Variants in AFAP1L2 observed in about 807,000 individuals in gnomAD.
AFAP1L2 encodes the protein actin filament-associated protein 1-like 2.
AFAP1L2 carries 46 observed loss-of-function variants against 99.3 expected under a neutral mutation model. The observed-to-expected ratio is 0.46, with a 90% CI of 0.37 to 0.59. The LOEUF (loss-of-function observed/expected upper bound fraction) is 0.59. AFAP1L2 is among the 20% of genes least tolerant of loss of function. The probability of loss-of-function intolerance (pLI) is 0.00; values close to 1 mark genes in which losing one functional copy is unlikely to be tolerated. For missense variants in AFAP1L2, 959 were observed against 1,034.9 expected (o/e 0.93, Z 1.01); for synonymous variants, 397 against 419.1 (o/e 0.95, Z 0.64).
chr10:114,300,362 G>C lies in AFAP1L2; in HGVS notation c.1789C>G (p.Gln597Glu). 6.2e-7 allele frequency: 1 copy of C among 1,614,178 alleles called. No homozygotes were observed. Among genetic ancestry groups the C allele is most frequent in the Non-Finnish European group, 8.5e-7 (1 of 1,180,018 alleles). Reference sequence around the variant, plus strand: ...TCCTCTGGCTCCAAACTCTCCAGCTGCTTTGGGGGAAAGCAGACCTGACTC... The same window carrying C: ...TCCTCTGGCTCCAAACTCTCCAGCTCCTTTGGGGGAAAGCAGACCTGACTC... ...IKCPENLGEQQLESLEPEDPS... is the reference protein window; with the variant it reads ...IKCPENLGEQELESLEPEDPS... The change falls in exon 15 of 19, where the codon CAG (glutamine) becomes GAG (glutamate). Residue 597 changes from glutamine to glutamate, a missense_variant and splice_region_variant. This residue lies in a region of AFAP1L2 where 576 missense variants were observed against 562.1 expected (regional missense o/e 1.02). Transcript: ENST00000304129.
chr10:114,291,311 A>C, downstream of AFAP1L2: 1 of 1,472,058 alleles, frequency 6.8e-7, no homozygotes. Flanking sequence ...TGGGCACTGA[A>C]ATGGTGCCTA....
intron 1 of AFAP1L2, among the ~76,000 whole-genome samples, chr10:114,394,320 G>C (rs2057462807): frequency 6.6e-6 from 1 of 152,168 alleles, no homozygotes; most frequent in African/African-American, 2.4e-5. Flanking sequence ...GTAAGATACT[G>C]AGAATAAGCC....
At chr10:114,404,211 C>A (rs953005222) in intron 1 of AFAP1L2, among the ~76,000 whole-genome samples, 1 of 152,138 alleles carries the variant, frequency 6.6e-6, no homozygotes, top group Non-Finnish European at 1.5e-5. Flanking sequence ...CGACCCCCTC[C>A]TTCCGCGCCC....
Position 114,296,079 on chromosome 10 carries a change from A to C in AFAP1L2, c.2431-11T>G, listed in dbSNP as rs1416044705. 1 of 1,614,164 alleles carries C rather than the reference A, an allele frequency of 6.2e-7. No individual in the cohort carries two copies. ...TTTCTTCTCCCATTCCTAGGGTACCATTCAAATACCAGCACCCACCCCCCA... is the reference window on the plus strand; with the variant it reads ...TTTCTTCTCCCATTCCTAGGGTACCCTTCAAATACCAGCACCCACCCCCCA... On this transcript the variant is annotated splice_polypyrimidine_tract_variant and intron_variant, in intron 18 of 18. Transcript: ENST00000304129.
At chr10:114,289,740 T>C in the AFAP1L2 span, 5 of 548,778 alleles carry the variant, frequency 9.1e-6, no homozygotes, top group Non-Finnish European at 1.6e-5. Context: ...AATTTATGCA[T>C]TCCCTTTAAA....
intron 5 of AFAP1L2, among the ~76,000 whole-genome samples, chr10:114,317,959 AT>A (rs1194349669): frequency 2.0e-5 from 3 of 152,182 alleles, no homozygotes; most frequent in Non-Finnish European, 2.9e-5. Context: ...GTAAAGCATG[AT>A]TTTACCCACT....
At chr10:114,356,577 TA>T (rs2051424270) in intron 1 of AFAP1L2, among the ~76,000 whole-genome samples, 1 of 152,250 alleles carries the variant, frequency 6.6e-6, no homozygotes, top group South Asian at 2.1e-4. Flanking sequence ...ATATGTGTTT[TA>T]AATTTTATTT....
intron 1 of AFAP1L2, among the ~76,000 whole-genome samples, chr10:114,368,151 T>G (rs1424673810): frequency 6.6e-6 from 1 of 152,186 alleles, no homozygotes; most frequent in Non-Finnish European, 1.5e-5. Context: ...AATCCTGCCA[T>G]TGGCAACAAC....
chr10:114,334,596 C>T (rs1423180214), intron 2 of AFAP1L2, among the ~76,000 whole-genome samples: 1 of 152,250 alleles, frequency 6.6e-6, no homozygotes, highest in Non-Finnish European at 1.5e-5. Flanking sequence ...ATGAGCACCT[C>T]TGGTTGTCAT....
At chr10:114,328,614 G>T (rs191970962) in intron 4 of AFAP1L2, among the ~76,000 whole-genome samples, 50 of 152,336 alleles carry the variant, frequency 3.3e-4, no homozygotes, top group African/African-American at 9.4e-4. Context: ...ACAGATGTTT[G>T]TTGGCCACGG....
chr10:114,360,509 T>TAGTTAGATAGATAGATAGA (rs61366681), intron 1 of AFAP1L2, among the ~76,000 whole-genome samples: 56 of 107,416 alleles, frequency 5.2e-4, no homozygotes, highest in East Asian at 1.6e-3. Context: ...AGATAGATAG[T>TAGTTAGATAGATAGATAGA]TAGATAGATA....
intron 7 of AFAP1L2, 75 bp from the exon 8 acceptor site, chr10:114,310,518 C>G: frequency 7.3e-7 from 1 of 1,375,376 alleles, no homozygotes; most frequent in Non-Finnish European, 1.0e-6. Flanking sequence ...GAAGCCAGGG[C>G]CCCTGCAGGT....
chr10:114,282,448 C>T, the AFAP1L2 span: 1 of 1,262,640 alleles, frequency 7.9e-7, no homozygotes, highest in Non-Finnish European at 1.2e-6. Flanking sequence ...TGTTGTAAAT[C>T]ATCTTCTGTT....
chr10:114,292,013 C>T (rs768963891), downstream of AFAP1L2, among the ~76,000 whole-genome samples: 5 of 152,166 alleles, frequency 3.3e-5, no homozygotes, highest in Non-Finnish European at 4.4e-5. Context: ...GACTGTGGCT[C>T]ATGCCTGTAA....
intron 1 of AFAP1L2, among the ~76,000 whole-genome samples, chr10:114,399,433 A>T (rs2058041738): frequency 6.6e-6 from 1 of 152,226 alleles, no homozygotes; most frequent in South Asian, 2.1e-4. Context: ...AGGGACACCG[A>T]TAAGGAATGA....
At chr10:114,404,747 G>A, upstream of AFAP1L2, 3 of 324,698 alleles carry the variant, frequency 9.2e-6, no homozygotes, top group Non-Finnish European at 1.7e-5. Context: ...GCCCCCGGCC[G>A]CCTTGGCACT....
chr10:114,382,467 A>G (rs2055779989), intron 1 of AFAP1L2, among the ~76,000 whole-genome samples: 1 of 152,212 alleles, frequency 6.6e-6, no homozygotes, highest in African/African-American at 2.4e-5. Context: ...GGTGGGTAGA[A>G]GAACGGGAAG....
intron 4 of AFAP1L2, 26 bp from the exon 5 acceptor site, chr10:114,323,287 C>T (rs766412112): frequency 5.1e-6 from 8 of 1,562,948 alleles, no homozygotes; most frequent in Middle Eastern, 1.7e-4. Context: ...ATAAGACAAA[C>T]GTTTGCAGAT....
At chr10:114,389,985 G>C (rs1485850576) in intron 1 of AFAP1L2, among the ~76,000 whole-genome samples, 2 of 152,124 alleles carry the variant, frequency 1.3e-5, no homozygotes, top group Admixed American at 6.5e-5. Context: ...TTGACAATAG[G>C]CTACAAGCAA....
Sources: gnomAD v4.1 joint callset for allele counts (sites outside exome capture counted in the v4.1 genomes callset) on GRCh38, gnomAD v4.1.1 for gene constraint, gnomAD v4.1.1 regional missense constraint, MANE v1.5 for transcripts, NCBI Gene and HGNC (gene_info 2026-07-23, HGNC 2026-07-21) for gene names.